CNOT4: variants seen among roughly 807,000 people sequenced by gnomAD.
The protein encoded by CNOT4 is CCR4-associated factor 4.
CNOT4 carries 8 observed loss-of-function variants against 73.8 expected under a neutral mutation model. That is an observed-to-expected ratio of 0.11 (90% CI 0.06 to 0.20). The LOEUF is 0.20. Ranked by LOEUF, CNOT4 falls within the 10% of genes least tolerant of loss-of-function variation. CNOT4 has a pLI of 1.00. For missense variants in CNOT4, 564 were observed against 883.4 expected (o/e 0.64, Z 4.58); for synonymous variants, 293 against 321.1 (o/e 0.91, Z 0.94).
intron 1 of CNOT4, chr7:135,509,058 A>C (rs1276457901): frequency 6.6e-6 from 1 of 152,234 alleles, no homozygotes; most frequent in Non-Finnish European, 1.5e-5. Context: ...CATAACGTTT[A>C]ATAGTATCCT....
At chr7:135,389,507 A>G (rs1401961333) in intron 10 of CNOT4, among the ~76,000 whole-genome samples, 2 of 142,224 alleles carry the variant, frequency 1.4e-5, no homozygotes, top group Non-Finnish European at 2.9e-5. Context: ...AGGTCAGAGA[A>G]TTATAGATGA....
At chr7:135,384,970 A>G (rs1796050255) in intron 10 of CNOT4, among the ~76,000 whole-genome samples, 1 of 152,234 alleles carries the variant, frequency 6.6e-6, no homozygotes, top group Non-Finnish European at 1.5e-5. Flanking sequence ...CACAGATCTA[A>G]CCAAATCTGA....
intron 10 of CNOT4, among the ~76,000 whole-genome samples, chr7:135,382,583 G>A (rs118045158): frequency 9.5e-5 from 14 of 147,264 alleles, no homozygotes; most frequent in East Asian, 2.0e-4. Flanking sequence ...CTGACTAGGA[G>A]AAAAAAAAAA....
intron 7 of CNOT4, among the ~76,000 whole-genome samples, chr7:135,404,342 T>G (rs1797164124): frequency 6.6e-6 from 1 of 152,206 alleles, no homozygotes; most frequent in Admixed American, 6.5e-5. Context: ...AATCACTGCT[T>G]TATTCCACTC....
intron 1 of CNOT4, among the ~76,000 whole-genome samples, chr7:135,472,544 T>A (rs1801698132): frequency 1.4e-5 from 1 of 71,790 alleles, no homozygotes; most frequent in African/African-American, 6.1e-5. Context: ...TATATATATA[T>A]ATATATATAT....
chr7:135,438,770 C>A (rs926793759), intron 1 of CNOT4, among the ~76,000 whole-genome samples: 1 of 152,104 alleles, frequency 6.6e-6, no homozygotes, highest in Non-Finnish European at 1.5e-5. Context: ...AGTAATATTG[C>A]CACATAACTA....
intron 1 of CNOT4, among the ~76,000 whole-genome samples, chr7:135,472,518 TATATATATATATA>T (rs1801693189): frequency 1.1e-4 from 1 of 8,940 alleles, no homozygotes; most frequent in South Asian, 5.8e-3. Context: ...AAAAAAAATA[TATATATATATATA>T]TATATATATA....
intron 10 of CNOT4, among the ~76,000 whole-genome samples, chr7:135,383,086 T>C (rs919557921): frequency 2.0e-5 from 3 of 152,246 alleles, no homozygotes; most frequent in Admixed American, 1.3e-4. Flanking sequence ...TTTTATAACC[T>C]GTTACAATAA....
At position 135,504,472 on chromosome 7, in the gene CNOT4, T is replaced by TAGTAGAGATGGGG. The variant is rs1388448028; in HGVS notation, c.-93+5416_-93+5417insCCCCATCTCTACT. Among the ~76,000 whole-genome samples, 336 of 69,372 alleles carry TAGTAGAGATGGGG rather than the reference T, an allele frequency of 4.8e-3. 36 individuals carry two copies. The highest frequency in any genetic ancestry group is 9.3e-3 in the African/African-American group (138 of 14,868). 45.5% of individuals were successfully genotyped at this position (69,372 alleles called of 152,430 possible). A position where few individuals can be genotyped will look rare whatever the true frequency, so the allele number is the denominator to read the frequency against. On this transcript the variant is annotated intron_variant, in intron 1 of 11. Coordinates refer to ENST00000541284, the MANE Select transcript of CNOT4 (RefSeq NM_001190850.2). ...CACCACATCCGGCTAATTTTTTTTT[T>TAGTAGAGATGGGG]TTTTTTTTTTTTTTTTTATTTTTAT... is the stretch of plus-strand genomic sequence containing the variant.
chr7:135,443,340 G>A (rs1228933453), intron 1 of CNOT4, among the ~76,000 whole-genome samples: 2 of 150,196 alleles, frequency 1.3e-5, no homozygotes, highest in African/African-American at 4.9e-5. Flanking sequence ...GGGCAACAGG[G>A]CAAGATCCTG....
At chr7:135,374,259 TGA>T (rs1795393695) in intron 10 of CNOT4, among the ~76,000 whole-genome samples, 1 of 152,184 alleles carries the variant, frequency 6.6e-6, no homozygotes, top group South Asian at 2.1e-4. Context: ...AAGTTATCAA[TGA>T]GAGTCAAAAT....
At chr7:135,447,246 A>T (rs114913208) in intron 1 of CNOT4, among the ~76,000 whole-genome samples, 2,218 of 152,324 alleles carry the variant, frequency 0.015, 63 homozygotes, top group African/African-American at 0.051. Flanking sequence ...CAAAAAACAG[A>T]CTAAAGAGTA....
intron 1 of CNOT4, among the ~76,000 whole-genome samples, chr7:135,503,880 A>G (rs1187690071): frequency 6.6e-6 from 1 of 152,232 alleles, no homozygotes; most frequent in African/African-American, 2.4e-5. Context: ...AAGACGGTCC[A>G]CCCAAATAAC....
At chr7:135,369,140 T>C (rs551778431) in intron 10 of CNOT4, among the ~76,000 whole-genome samples, 113 of 152,340 alleles carry the variant, frequency 7.4e-4, no homozygotes, top group Non-Finnish European at 1.4e-3. Flanking sequence ...TAGGGTACCA[T>C]GTGAGATTTA....
intron 1 of CNOT4, among the ~76,000 whole-genome samples, chr7:135,493,264 G>A (rs1192284807): frequency 6.6e-6 from 1 of 151,992 alleles, no homozygotes; most frequent in Non-Finnish European, 1.5e-5. Context: ...CTGAGCTCAG[G>A]GATCCTCCTG....
intron 8 of CNOT4, 76 bp from the exon 9 acceptor site, chr7:135,395,959 T>C: frequency 1.0e-6 from 1 of 965,728 alleles, no homozygotes; most frequent in East Asian, 2.6e-5. Context: ...AGTTTGCAAC[T>C]AAATGTATTA....
intron 3 of CNOT4, among the ~76,000 whole-genome samples, chr7:135,416,767 G>A (rs2129484284): frequency 6.6e-6 from 1 of 152,220 alleles, no homozygotes; most frequent in South Asian, 2.1e-4. Flanking sequence ...GGGGCAGTCT[G>A]GAAATTTGTG....
Position 135,447,504 on chromosome 7 carries a change from T to C in CNOT4, c.-92-9081A>G, listed in dbSNP as rs79110645. On this transcript the variant is annotated intron_variant, in intron 1 of 11. Transcript: ENST00000541284. ...TGCTGTTATACAAAAAAATCAACTA[T>C]GTAGGGCTGCTTTCTACCTCTCTAT... is the stretch of plus-strand genomic sequence containing the variant. Among the ~76,000 whole-genome samples the C allele has an allele frequency of 2.2e-3, 341 of 152,320 alleles. 13 individuals are homozygous for C. The East Asian group carries it at 0.054, about 24-fold the overall frequency.
chr7:135,431,947 T>C (rs1798874427), intron 2 of CNOT4, among the ~76,000 whole-genome samples: 1 of 152,198 alleles, frequency 6.6e-6, no homozygotes, highest in Non-Finnish European at 1.5e-5. Flanking sequence ...GATCTAACTG[T>C]AGAGTTAAGG....
Sources: allele counts gnomAD v4.1 joint callset (sites outside exome capture counted in the v4.1 genomes callset), GRCh38; gene constraint gnomAD v4.1.1; transcripts MANE v1.5; gene names NCBI Gene and HGNC (gene_info 2026-07-23, HGNC 2026-07-21).